Variants in STARD8 observed in about 807,000 individuals in gnomAD.
STARD8 encodes the protein StAR related lipid transfer domain containing 8.
In STARD8, 25 loss-of-function variants were observed where a neutral mutation model predicts 69.4. The observed-to-expected ratio is 0.36, with a 90% CI of 0.26 to 0.50. The LOEUF is 0.50. Among genes scored for constraint, STARD8 ranks in the 20% least tolerant of loss-of-function variants. The probability of loss-of-function intolerance (pLI) is 0.96; values close to 1 mark genes in which losing one functional copy is unlikely to be tolerated. For synonymous variants in STARD8, 389 were observed against 374.6 expected, an observed-to-expected ratio of 1.04 and a Z score of -0.45; for missense variants, 921 against 932.5, an observed-to-expected ratio of 0.99 and a Z score of 0.16.
At chrX:68,709,480 G>A (rs1022925985) in intron 2 of STARD8, among the ~76,000 whole-genome samples, 1 of 112,053 alleles carries the variant, frequency 8.9e-6, no homozygotes, top group African/African-American at 3.3e-5. Context: ...TTTACTTTCT[G>A]TAGTATTTTA....
chrX:68,679,611 G>T (rs1045441675), intron 2 of STARD8, among the ~76,000 whole-genome samples: 2 of 111,888 alleles, frequency 1.8e-5, no homozygotes, highest in Non-Finnish European at 3.8e-5. Context: ...GGAGGGAAGG[G>T]GGATCCCCGA....
intron 2 of STARD8, among the ~76,000 whole-genome samples, chrX:68,689,602 C>T (rs762688745): frequency 2.7e-5 from 3 of 112,611 alleles, no homozygotes; most frequent in African/African-American, 9.7e-5. Flanking sequence ...ACCTGTATGT[C>T]TGAGCTTAGG....
intron 1 of STARD8, among the ~76,000 whole-genome samples, chrX:68,652,872 CCCACACCCCACA>C: frequency 3.7e-5 from 1 of 27,238 alleles, no homozygotes; most frequent in Admixed American, 6.8e-4. Context: ...CACACACACA[CCCACACCCCACA>C]CACACACACC....
intron 2 of STARD8, among the ~76,000 whole-genome samples, chrX:68,699,629 C>T (rs1031318572): frequency 7.2e-5 from 8 of 111,404 alleles, no homozygotes; most frequent in African/African-American, 2.6e-4. Context: ...GGAGCAGCCC[C>T]CTTCCCAGCC....
chrX:68,688,510 A>G, intron 2 of STARD8, among the ~76,000 whole-genome samples: 1 of 110,280 alleles, frequency 9.1e-6, no homozygotes. Context: ...GAACCTGTGA[A>G]TGGGAAGGAA....
At chrX:68,696,040 T>C (rs187419484) in intron 2 of STARD8, among the ~76,000 whole-genome samples, 21 of 112,472 alleles carry the variant, frequency 1.9e-4, no homozygotes, top group Non-Finnish European at 2.1e-4. Flanking sequence ...CCTCACCTCT[T>C]TTCTGGCTAG....
chrX:68,722,690 A>G (rs746997389), intron 12 of STARD8, 44 bp downstream of exon 12: 35 of 1,167,915 alleles, frequency 3.0e-5, no homozygotes, highest in Non-Finnish European at 3.9e-5. Context: ...CTGGGAGAGC[A>G]TGGTGCAGGC....
intron 1 of STARD8, among the ~76,000 whole-genome samples, chrX:68,653,023 ACC>A (rs2079568366): frequency 2.4e-5 from 1 of 41,934 alleles, no homozygotes; most frequent in Non-Finnish European, 4.4e-5. Context: ...ACACACACAC[ACC>A]CCACACACCA....
intron 1 of STARD8, among the ~76,000 whole-genome samples, chrX:68,649,522 T>C (rs1315215669): frequency 4.5e-5 from 5 of 110,569 alleles, no homozygotes; most frequent in African/African-American, 1.3e-4. Flanking sequence ...GCAGTGTTCA[T>C]AAAACTAAAT....
rs748280969 is a variant in STARD8, at chrX:68,715,333, A to T, written c.191A>T (p.Asn64Ile). The part of the protein sequence containing the change: ...FPLDIGSVKK[N>I]HGFLDEDSLG... Reference sequence around the variant, plus strand: ...CTGGATATTGGCTCTGTGAAGAAAAACCACGGTTTTCTGGACGAGGACTCT... The same window carrying T: ...CTGGATATTGGCTCTGTGAAGAAAATCCACGGTTTTCTGGACGAGGACTCT... The change falls in exon 4 of 15, where the codon AAC (asparagine) becomes ATC (isoleucine). Residue 64 changes from asparagine to isoleucine, a missense_variant. Asn to Ile is a moderately radical substitution (Grantham distance 149, BLOSUM62 -3). Transcript: ENST00000374599. 2 of 1,208,082 alleles carry T rather than the reference A, an allele frequency of 1.7e-6. No individual in the cohort carries two copies. Among genetic ancestry groups the T allele is most frequent in the Non-Finnish European group, 2.2e-6 (2 of 893,833 alleles).
At position 68,723,975 on chromosome X, in the gene STARD8, T is replaced by G; in HGVS notation, c.3048T>G (p.Gly1016=). 1 of 1,211,563 alleles carries G rather than the reference T, an allele frequency of 8.3e-7. No individual in the cohort carries two copies. The highest frequency in any genetic ancestry group is 1.1e-6 in the Non-Finnish European group (1 of 895,424). The change falls in exon 14 of 15, where the codon GGT becomes GGG. Residue 1016 remains glycine (G), a synonymous_variant. Transcript: ENST00000374599. ...RMWRSDLPRG[G]CLLVSQSLDP... Reference sequence around the variant, plus strand: ...GGCGCTCTGACCTGCCTCGTGGGGGTTGCCTGCTTGTCTCCCAGTCCCTGG... The same window carrying G: ...GGCGCTCTGACCTGCCTCGTGGGGGGTGCCTGCTTGTCTCCCAGTCCCTGG...
intron 2 of STARD8, among the ~76,000 whole-genome samples, chrX:68,693,155 T>C (rs2079889344): frequency 8.9e-6 from 1 of 112,464 alleles, no homozygotes. Context: ...GACAGAAGCC[T>C]GGGGTATTGG....
intron 7 of STARD8, 64 bp downstream of exon 7, chrX:68,719,462 G>A: frequency 9.3e-7 from 1 of 1,081,034 alleles, no homozygotes; most frequent in South Asian, 2.6e-5. Context: ...CCCCAGGCAG[G>A]GTCAGCCCAG....
At chrX:68,650,346 AG>A (rs2079538982) in intron 1 of STARD8, among the ~76,000 whole-genome samples, 1 of 108,415 alleles carries the variant, frequency 9.2e-6, no homozygotes, top group Non-Finnish European at 1.9e-5. Flanking sequence ...GGATTGCTTG[AG>A]CCCAGGAGTT....
intron 2 of STARD8, among the ~76,000 whole-genome samples, chrX:68,689,991 AGTTTTGTTTTGTTTT>A (rs370985430): frequency 1.6e-4 from 17 of 107,776 alleles, no homozygotes; most frequent in Non-Finnish European, 2.9e-4. Flanking sequence ...CTCCTCAGGA[AGTTTTGTTTTGTTTT>A]GTTTTGTTTT....
At position 68,717,258 on chromosome X, in the gene STARD8, G is replaced by A; in HGVS notation, c.344G>A (p.Trp115Ter). 6 of 1,204,367 alleles carry A rather than the reference G, an allele frequency of 5.0e-6. No individual in the cohort carries two copies. Among genetic ancestry groups the A allele is most frequent in the Non-Finnish European group, 6.7e-6 (6 of 891,754 alleles). ...GAGCAGTGTACCATCAGTAGCCACT[G>A]GGCCTTCCAGCAGGAAAGTAAGTGC... is the stretch of plus-strand genomic sequence containing the variant. Reference protein sequence around the residue: ...EEEQCTISSHWAFQQESKCWS... With the variant: ...EEEQCTISSH Residue 115 changes from tryptophan (W) to a stop codon, truncating the protein, a stop_gained, in exon 6 of 15, where the codon TGG becomes TAG. Transcript: ENST00000374599. LOFTEE classifies it high-confidence loss of function.
At position 68,722,083 on chromosome X, in the gene STARD8, C is replaced by G. The variant is rs1343869731; in HGVS notation, c.2496C>G (p.Gly832=). ...KSKRSLIGRP[G]PRDLSDNMAA... ...AACGCAGCCTCATTGGCAGGCCAGGCCCTAGGGACCTGAGTGACAACATGG... is the reference window on the plus strand; with the variant it reads ...AACGCAGCCTCATTGGCAGGCCAGGGCCTAGGGACCTGAGTGACAACATGG... The change falls in exon 11 of 15, where the codon GGC becomes GGG. Residue 832 remains glycine, a synonymous_variant. Transcript: ENST00000374599. 1 of 1,206,097 alleles carries G rather than the reference C, an allele frequency of 8.3e-7. No homozygotes were observed. Among genetic ancestry groups the G allele is most frequent in the Non-Finnish European group, 1.1e-6 (1 of 891,204 alleles).
chrX:68,647,967 G>C (rs777064284), intron 1 of STARD8, 40 bp downstream of exon 1: 49 of 1,177,146 alleles, frequency 4.2e-5, no homozygotes, highest in Admixed American at 3.4e-4. Context: ...CGCTGCTCAG[G>C]GGGGAAGGAG....
Position 68,662,000 on chromosome X carries a change from C to A in STARD8, c.46-3499C>A, listed in dbSNP as rs753706805. ...TCTTTCTTTCTTTCTTTCTTTCTTTCTTTCTTTCTTTCTTTCTTTCTTTCT... is the reference window on the plus strand; with the variant it reads ...TCTTTCTTTCTTTCTTTCTTTCTTTATTTCTTTCTTTCTTTCTTTCTTTCT... On this transcript the variant is annotated intron_variant, in intron 1 of 14. Transcript: ENST00000374599. Among the ~76,000 whole-genome samples the A allele has an allele frequency of 2.7e-3, 225 of 84,068 alleles. 3 individuals carry two copies. Among genetic ancestry groups the A allele is most frequent in the African/African-American group, 0.01 (209 of 20,875 alleles). The allele number at this position is 84,068 out of a possible 115,157, so 73.0% of individuals were successfully genotyped here.
Sources: gnomAD v4.1 joint callset for allele counts (sites outside exome capture counted in the v4.1 genomes callset) on GRCh38, gnomAD v4.1.1 for gene constraint, MANE v1.5 for transcripts, NCBI Gene and HGNC (gene_info 2026-07-23, HGNC 2026-07-21) for gene names.